The following DENND1A variants were observed in gnomAD, a reference collection of about 807,000 sequenced individuals.
The protein encoded by DENND1A is DENN domain containing 1A, also known as DENN domain-containing protein 1A.
A neutral mutation model predicts 113.7 loss-of-function variants in DENND1A; 51 were observed. That is an observed-to-expected ratio of 0.45 (90% CI 0.36 to 0.57). The LOEUF is 0.57. Ranked by LOEUF, DENND1A falls within the 20% of genes least tolerant of loss-of-function variation. DENND1A has a pLI of 0.00. For synonymous variants in DENND1A, 565 were observed against 570.8 expected (o/e 0.99, Z 0.14); for missense variants, 1,258 against 1,395.9 (o/e 0.90, Z 1.57).
intron 9 of DENND1A, among the ~76,000 whole-genome samples, chr9:123,645,553 C>T (rs911138402): frequency 1.3e-4 from 20 of 152,162 alleles, no homozygotes; most frequent in Non-Finnish European, 1.9e-4. Flanking sequence ...TGCTCAGCTA[C>T]GTCATCCCCA....
intron 5 of DENND1A, among the ~76,000 whole-genome samples, chr9:123,713,549 G>A (rs2066770712): frequency 6.6e-6 from 1 of 152,156 alleles, no homozygotes; most frequent in African/African-American, 2.4e-5. Context: ...TGTCTCCACA[G>A]CAACTGCTCA....
At chr9:123,891,766 T>C (rs1849936035) in intron 1 of DENND1A, among the ~76,000 whole-genome samples, 1 of 152,148 alleles carries the variant, frequency 6.6e-6, no homozygotes, top group Non-Finnish European at 1.5e-5. Flanking sequence ...ATGGACCACA[T>C]TTACCCTTCC....
At chr9:123,870,211 C>T (rs1846348758) in intron 2 of DENND1A, among the ~76,000 whole-genome samples, 1 of 151,870 alleles carries the variant, frequency 6.6e-6, no homozygotes, top group Non-Finnish European at 1.5e-5. Context: ...ATTTATCTGC[C>T]CCCACATTAA....
At chr9:123,451,588 C>G (rs1211237716) in intron 17 of DENND1A, among the ~76,000 whole-genome samples, 1 of 152,162 alleles carries the variant, frequency 6.6e-6, no homozygotes. Flanking sequence ...CTTCAGGAAA[C>G]TGCAAAGGAG....
chr9:123,798,752 A>G (rs967201078), intron 2 of DENND1A, among the ~76,000 whole-genome samples: 1 of 150,940 alleles, frequency 6.6e-6, no homozygotes, highest in Non-Finnish European at 1.5e-5. Flanking sequence ...AAAAAAAATC[A>G]AAAGGATATG....
intron 8 of DENND1A, among the ~76,000 whole-genome samples, chr9:123,660,805 G>A (rs948269600): frequency 7.9e-5 from 12 of 152,210 alleles, no homozygotes; most frequent in African/African-American, 2.7e-4. Flanking sequence ...GGAACAAAGA[G>A]ATCAAATTTT....
chr9:123,597,860 C>T (rs1052455555), intron 11 of DENND1A, among the ~76,000 whole-genome samples: 3 of 152,184 alleles, frequency 2.0e-5, no homozygotes, highest in African/African-American at 7.2e-5. Flanking sequence ...TAATGCTACT[C>T]AGATCATTCC....
intron 19 of DENND1A, chr9:123,414,172 C>G: frequency 9.8e-7 from 1 of 1,015,614 alleles, no homozygotes; most frequent in Non-Finnish European, 1.2e-6. Context: ...TCCAGGCCCA[C>G]GATTTGACCA....
At chr9:123,917,269 T>C (rs1855330776) in intron 1 of DENND1A, among the ~76,000 whole-genome samples, 1 of 152,142 alleles carries the variant, frequency 6.6e-6, no homozygotes, top group Non-Finnish European at 1.5e-5. Flanking sequence ...TTCTACTGAC[T>C]TTAAAACAGT....
At chr9:123,924,978 C>A (rs1271903331) in intron 1 of DENND1A, among the ~76,000 whole-genome samples, 2 of 152,198 alleles carry the variant, frequency 1.3e-5, no homozygotes, top group Admixed American at 6.5e-5. Flanking sequence ...ACAGTGAGGC[C>A]TTCCCTCGCC....
chr9:123,440,423 C>G lies in DENND1A; in HGVS notation c.1425G>C (p.Leu475=). The change falls in exon 19 of 24, where the codon CTG becomes CTC. Residue 475 remains leucine, a synonymous_variant. Transcript: ENST00000394215. The part of the protein sequence containing the change: ...EQLPKTAPSP[L]VEAKDPKLRE... ...GGAGCTTGGGGTCCTTGGCCTCCAC[C>G]AGTGGGGACGGTGCAGTCTTTGGCA... 3.8e-6 allele frequency: 6 copies of G among 1,587,116 alleles called. No homozygotes were observed. Among genetic ancestry groups the G allele is most frequent in the Non-Finnish European group, 5.1e-6 (6 of 1,171,322 alleles).
chr9:123,543,805 C>T (rs773629539), intron 13 of DENND1A, among the ~76,000 whole-genome samples: 7 of 152,222 alleles, frequency 4.6e-5, no homozygotes, highest in Non-Finnish European at 8.8e-5. Context: ...TCCCAGCTTG[C>T]ACATTCTACT....
At chr9:123,508,767 T>G (rs898185359) in intron 13 of DENND1A, among the ~76,000 whole-genome samples, 1 of 152,134 alleles carries the variant, frequency 6.6e-6, no homozygotes, top group African/African-American at 2.4e-5. Context: ...AAAAAAAGTA[T>G]AAAAGAATAG....
chr9:123,390,166 T>C (rs1294471580), intron 21 of DENND1A, among the ~76,000 whole-genome samples: 2 of 152,264 alleles, frequency 1.3e-5, no homozygotes, highest in African/African-American at 2.4e-5. Context: ...ACTCTGTTTC[T>C]GAGTCAAGTT....
At chr9:123,521,011 G>A (rs2054350229) in intron 13 of DENND1A, among the ~76,000 whole-genome samples, 1 of 152,168 alleles carries the variant, frequency 6.6e-6, no homozygotes, top group Admixed American at 6.5e-5. Flanking sequence ...AAAAGAGGGA[G>A]AAAGAAGAAA....
At chr9:123,781,584 G>C (rs1319316729) in intron 3 of DENND1A, among the ~76,000 whole-genome samples, 6 of 152,022 alleles carry the variant, frequency 3.9e-5, no homozygotes, top group Non-Finnish European at 8.8e-5. Flanking sequence ...GATGAATTCA[G>C]GTATTATGTA....
Position 123,781,768 on chromosome 9 carries a change from A to G in DENND1A, c.132+10819T>C, listed in dbSNP as rs1263869627. Among the ~76,000 whole-genome samples, 8 of 152,268 alleles carry G rather than the reference A, an allele frequency of 5.3e-5. No individual in the cohort carries two copies. In the East Asian group the frequency reaches 9.6e-4, roughly 18 times the overall value. On this transcript the variant is annotated intron_variant, in intron 3 of 23. Coordinates refer to ENST00000394215, the MANE Select transcript of DENND1A (RefSeq NM_001352964.2). ...TTGCCTCCTAACTTTTCTTTGAGTT[A>G]AACATTTTATTTAAAAAAAGGCCGA...
chr9:123,738,897 G>T (rs778723849), intron 5 of DENND1A, among the ~76,000 whole-genome samples: 9 of 152,194 alleles, frequency 5.9e-5, no homozygotes, highest in Non-Finnish European at 1.0e-4. Context: ...CTATGGAAAA[G>T]AATTGGGATT....
chr9:123,532,617 T>C (rs991369755), intron 13 of DENND1A, among the ~76,000 whole-genome samples: 4 of 152,206 alleles, frequency 2.6e-5, no homozygotes, highest in Admixed American at 6.5e-5. Flanking sequence ...TCTATGTCTT[T>C]TATCATAGCA....
Sources: gnomAD v4.1 joint callset for allele counts (sites outside exome capture counted in the v4.1 genomes callset) on GRCh38, gnomAD v4.1.1 for gene constraint, MANE v1.5 for transcripts, NCBI Gene and HGNC (gene_info 2026-07-23, HGNC 2026-07-21) for gene names.